PRICKLE2: variants seen among roughly 807,000 people sequenced by gnomAD.
The protein encoded by PRICKLE2 is prickle-like protein 2.
A neutral mutation model predicts 81.4 loss-of-function variants in PRICKLE2; 21 were observed. The observed-to-expected ratio is 0.26, with a 90% CI of 0.18 to 0.37. The LOEUF is 0.37. Ranked by LOEUF, PRICKLE2 falls within the 10% of genes least tolerant of loss-of-function variation. The pLI, the probability that PRICKLE2 is intolerant of heterozygous loss-of-function variation, is 1.00. For missense variants in PRICKLE2, 940 were observed against 1,109.0 expected (o/e 0.85, Z 2.16); for synonymous variants, 456 against 421.5 (o/e 1.08, Z -1.00).
intron 7 of PRICKLE2, among the ~76,000 whole-genome samples, chr3:64,140,484 T>G (rs1013722142): frequency 2.0e-5 from 3 of 152,198 alleles, no homozygotes; most frequent in African/African-American, 7.2e-5. Context: ...CCTCAAGGAA[T>G]GGTCATGTTC....
At chr3:64,207,399 C>T (rs2078705847) in intron 1 of PRICKLE2, among the ~76,000 whole-genome samples, 1 of 152,022 alleles carries the variant, frequency 6.6e-6, no homozygotes, top group Admixed American at 6.5e-5. Context: ...CACCATTAAA[C>T]AGAAACAGCT....
intron 1 of PRICKLE2, among the ~76,000 whole-genome samples, chr3:64,212,335 T>C (rs1359590843): frequency 6.6e-6 from 1 of 152,234 alleles, no homozygotes; most frequent in Non-Finnish European, 1.5e-5. Context: ...CACTTTTGCT[T>C]CATTGGACAT....
At chr3:64,108,248 C>T (rs1302599127) in intron 7 of PRICKLE2, among the ~76,000 whole-genome samples, 3 of 152,294 alleles carry the variant, frequency 2.0e-5, no homozygotes, top group South Asian at 2.1e-4. Flanking sequence ...TGAACAGCCC[C>T]GAAGTCATGG....
chr3:64,130,652 A>G (rs2077184049), intron 7 of PRICKLE2, among the ~76,000 whole-genome samples: 1 of 152,238 alleles, frequency 6.6e-6, no homozygotes, highest in African/African-American at 2.4e-5. Flanking sequence ...GAATTATCCC[A>G]GAAGCTGGAA....
At chr3:64,150,328 T>G (rs1405076805) in intron 6 of PRICKLE2, among the ~76,000 whole-genome samples, 1 of 152,020 alleles carries the variant, frequency 6.6e-6, no homozygotes, top group Non-Finnish European at 1.5e-5. Context: ...TCTCTTTGTT[T>G]TGGTCTCCCC....
At chr3:64,174,574 T>C (rs779954308) in intron 2 of PRICKLE2, 2 of 158,878 alleles carry the variant, frequency 1.3e-5, no homozygotes, top group Admixed American at 6.4e-5. Context: ...CCTCATACCA[T>C]GCACTTGCTG....
chr3:64,131,029 G>A (rs1575572188), intron 7 of PRICKLE2, among the ~76,000 whole-genome samples: 1 of 152,234 alleles, frequency 6.6e-6, no homozygotes, highest in Non-Finnish European at 1.5e-5. Context: ...GTTCCAGTGA[G>A]ATACTGTCTC....
chr3:64,245,303 G>A (rs2079330984), intron 2 of PRICKLE2, among the ~76,000 whole-genome samples: 1 of 152,082 alleles, frequency 6.6e-6, no homozygotes, highest in Non-Finnish European at 1.5e-5. Flanking sequence ...GCTTATCTCT[G>A]CAAGAATTAT....
Position 64,097,478 on chromosome 3 carries a change from T to C in PRICKLE2, c.*1573A>G, listed in dbSNP as rs1485358232. ...GGATTATTTCAACTGCCACAATCCA[T>C]TAAGGGGAGGAGGAGGATGGAAGAA... On this transcript the variant is annotated 3_prime_UTR_variant, in exon 8 of 8. Coordinates refer to ENST00000638394, the MANE Select transcript of PRICKLE2 (RefSeq NM_198859.4). 7 of 152,592 alleles carry C rather than the reference T, an allele frequency of 4.6e-5. No homozygotes were observed. Among genetic ancestry groups the C allele is most frequent in the African/African-American group, 1.4e-4 (6 of 41,430 alleles). 9.5% of individuals were successfully genotyped at this position (152,592 alleles called of 1,614,324 possible).
At chr3:64,217,299 AT>A (rs1343017321) in intron 1 of PRICKLE2, among the ~76,000 whole-genome samples, 1 of 152,210 alleles carries the variant, frequency 6.6e-6, no homozygotes, top group Non-Finnish European at 1.5e-5. Flanking sequence ...AAAAAAGACT[AT>A]TAAAACTTTA....
At chr3:64,198,541 T>C (rs2078506293) in intron 2 of PRICKLE2, among the ~76,000 whole-genome samples, 1 of 152,204 alleles carries the variant, frequency 6.6e-6, no homozygotes, top group African/African-American at 2.4e-5. Flanking sequence ...GAGATGTTTC[T>C]AGACAATCCT....
At chr3:64,184,410 A>C (rs2078185732) in intron 2 of PRICKLE2, among the ~76,000 whole-genome samples, 1 of 152,200 alleles carries the variant, frequency 6.6e-6, no homozygotes, top group African/African-American at 2.4e-5. Context: ...GAGAAAGACC[A>C]CAGAAAATGG....
chr3:64,258,492 T>C (rs372314913), intron 2 of PRICKLE2, among the ~76,000 whole-genome samples: 31 of 152,166 alleles, frequency 2.0e-4, no homozygotes, highest in South Asian at 4.1e-4. Context: ...TAATTCCCTT[T>C]ATGTAAGGTA....
At position 64,092,364 on chromosome 3, in the gene PRICKLE2, A is replaced by G. The variant is rs1288227213; in HGVS notation, c.*6687T>C. On this transcript the variant is annotated 3_prime_UTR_variant, in exon 8 of 8. Transcript: ENST00000638394. ...TGGGTAAGACTACTTACTATTCCGAATGTCTTGCCTAGTTGAAAGTAAAGT... is the reference window on the plus strand; with the variant it reads ...TGGGTAAGACTACTTACTATTCCGAGTGTCTTGCCTAGTTGAAAGTAAAGT... 1 of 152,160 alleles carries G rather than the reference A, an allele frequency of 6.6e-6. No individual in the cohort carries two copies. Among genetic ancestry groups the G allele is most frequent in the Non-Finnish European group, 1.5e-5 (1 of 68,028 alleles). 9.4% of individuals were successfully genotyped at this position (152,160 alleles called of 1,614,324 possible).
At chr3:64,223,823 C>G (rs1217467855) in intron 1 of PRICKLE2, among the ~76,000 whole-genome samples, 2 of 152,186 alleles carry the variant, frequency 1.3e-5, no homozygotes, top group African/African-American at 2.4e-5. Flanking sequence ...TTCTGAGGAG[C>G]AGGATTACAG....
chr3:64,151,639 A>G (rs921814800), intron 6 of PRICKLE2, among the ~76,000 whole-genome samples: 7 of 152,184 alleles, frequency 4.6e-5, no homozygotes, highest in Non-Finnish European at 7.3e-5. Context: ...CATCTGAGCA[A>G]GTGTGCACTT....
chr3:64,258,862 AAAGAAAG>A (rs2079571939), intron 2 of PRICKLE2, among the ~76,000 whole-genome samples: 1 of 146,758 alleles, frequency 6.8e-6, no homozygotes, highest in Non-Finnish European at 1.5e-5. Context: ...AGAAAGAAAG[AAAGAAAG>A]AAAGAAAGAA....
At chr3:64,146,743 A>C (rs2077460621) in intron 7 of PRICKLE2, 87 bp downstream of exon 7, 2 of 319,792 alleles carry the variant, frequency 6.3e-6, no homozygotes, top group South Asian at 7.6e-5. Flanking sequence ...ACTCCATTTC[A>C]AAAAAAAAAA....
chr3:64,168,637 A>T (rs964401217), intron 2 of PRICKLE2, among the ~76,000 whole-genome samples: 7 of 152,216 alleles, frequency 4.6e-5, no homozygotes, highest in African/African-American at 1.7e-4. Flanking sequence ...AATATCACAT[A>T]GTTACAAAGT....
Sources: allele counts gnomAD v4.1 joint callset (sites outside exome capture counted in the v4.1 genomes callset), GRCh38; gene constraint gnomAD v4.1.1; transcripts MANE v1.5; gene names NCBI Gene and HGNC (gene_info 2026-07-23, HGNC 2026-07-21).